Variants in NPAS3 observed in about 807,000 individuals in gnomAD.
NPAS3 encodes the protein neuronal PAS domain protein 3.
NPAS3 carries 14 observed loss-of-function variants against 73.1 expected under a neutral mutation model. The ratio of observed to expected loss-of-function variants is 0.19; its 90% CI spans 0.13 to 0.30. The LOEUF is 0.30. NPAS3 is among the 10% of genes least tolerant of loss of function. The probability of loss-of-function intolerance (pLI) is 1.00; values close to 1 mark genes in which losing one functional copy is unlikely to be tolerated. For missense variants in NPAS3, 1,096 were observed against 1,250.0 expected (o/e 0.88, Z 1.86); for synonymous variants, 620 against 541.5 (o/e 1.14, Z -2.01).
intron 3 of NPAS3, among the ~76,000 whole-genome samples, chr14:33,242,903 G>A (rs2048256697): frequency 6.6e-6 from 1 of 152,028 alleles, no homozygotes; most frequent in South Asian, 2.1e-4. Flanking sequence ...TTTTCTTTGA[G>A]TAAAAAATGT....
intron 5 of NPAS3, among the ~76,000 whole-genome samples, chr14:33,671,947 T>C (rs1205758391): frequency 6.6e-6 from 1 of 152,242 alleles, no homozygotes; most frequent in African/African-American, 2.4e-5. Context: ...CATTAGATCA[T>C]AATTAAGGAT....
At chr14:32,984,471 TGTTTTATGA>T (rs1256474891) in intron 1 of NPAS3, among the ~76,000 whole-genome samples, 1 of 152,222 alleles carries the variant, frequency 6.6e-6, no homozygotes, top group Non-Finnish European at 1.5e-5. Flanking sequence ...ATCAACATTT[TGTTTTATGA>T]GTCTTTGGAG....
At chr14:33,516,022 G>A (rs956439191) in intron 4 of NPAS3, among the ~76,000 whole-genome samples, 6 of 151,932 alleles carry the variant, frequency 3.9e-5, no homozygotes, top group Admixed American at 1.3e-4. Flanking sequence ...GAACACGTCC[G>A]CACACATGCA....
chr14:33,544,052 T>C (rs887187760), intron 4 of NPAS3, among the ~76,000 whole-genome samples: 1 of 128,986 alleles, frequency 7.8e-6, no homozygotes, highest in African/African-American at 3.0e-5. Flanking sequence ...TCATGTAGAG[T>C]CCTTCTCCCA....
intron 5 of NPAS3, among the ~76,000 whole-genome samples, chr14:33,591,165 T>C (rs530714829): frequency 2.3e-4 from 35 of 152,294 alleles, no homozygotes; most frequent in African/African-American, 7.7e-4. Context: ...TCCCTTTGTT[T>C]TAATGACAAC....
intron 4 of NPAS3, among the ~76,000 whole-genome samples, chr14:33,411,207 G>A (rs1437858331): frequency 1.3e-5 from 2 of 152,106 alleles, no homozygotes; most frequent in African/African-American, 4.8e-5. Flanking sequence ...TGTTGTTTTT[G>A]AGACGGAGTC....
chr14:33,590,362 TACTG>T (rs1315662382), intron 5 of NPAS3, among the ~76,000 whole-genome samples: 1 of 152,158 alleles, frequency 6.6e-6, no homozygotes, highest in African/African-American at 2.4e-5. Context: ...ATATAATACT[TACTG>T]CTAGATATTC....
intron 3 of NPAS3, among the ~76,000 whole-genome samples, chr14:33,341,678 G>A (rs1244039453): frequency 6.6e-6 from 1 of 152,150 alleles, no homozygotes; most frequent in Non-Finnish European, 1.5e-5. Flanking sequence ...CTTTTAGGCT[G>A]TCATCTGACA....
intron 2 of NPAS3, among the ~76,000 whole-genome samples, chr14:33,154,755 TTAGTTACATGAAAGATGTTGACAAAA>T (rs1303350964): frequency 6.6e-6 from 1 of 152,178 alleles, no homozygotes; most frequent in African/African-American, 2.4e-5. Context: ...AATATGACAA[TTAGTTACATGAAAGATGTTGACAAAA>T]TAGTTGTTTT....
intron 4 of NPAS3, among the ~76,000 whole-genome samples, chr14:33,457,751 G>A (rs1594944431): frequency 6.6e-6 from 1 of 152,208 alleles, no homozygotes; most frequent in South Asian, 2.1e-4. Context: ...CTTAGCGTGT[G>A]TAAGTCTGGC....
rs540991191 is a variant in NPAS3, at chr14:33,559,429, CT to C, written c.469-685del. ...TTTACTTGCTCTTGATATAGGAAGCCTTTTTTTCTTTCATTTCATTACGATC... is the reference window on the plus strand; with the variant it reads ...TTTACTTGCTCTTGATATAGGAAGCCTTTTTTCTTTCATTTCATTACGATC... On this transcript the variant is annotated intron_variant, in intron 4 of 11. Coordinates refer to ENST00000356141, the Ensembl canonical transcript of NPAS3. Among the ~76,000 whole-genome samples, 3 of 152,082 alleles carry C rather than the reference CT, an allele frequency of 2.0e-5. 1 individual carries two copies. The South Asian group carries it at 6.2e-4, about 32-fold the overall frequency.
intron 8 of NPAS3, among the ~76,000 whole-genome samples, chr14:33,776,785 TA>T (rs1041655956): frequency 1.3e-5 from 2 of 151,992 alleles, no homozygotes; most frequent in Non-Finnish European, 2.9e-5. Context: ...AGTCTCAGAG[TA>T]AAAGGTGCCA....
chr14:33,767,599 C>CTTTTT (rs10711937), intron 7 of NPAS3, among the ~76,000 whole-genome samples: 3 of 138,654 alleles, frequency 2.2e-5, no homozygotes, highest in Non-Finnish European at 4.6e-5. Context: ...GGACTCTTGT[C>CTTTTT]TTTTTTTTTT....
chr14:33,774,388 A>C (rs1260797004), exon 8 of NPAS3: 14 of 1,614,032 alleles, frequency 8.7e-6, no homozygotes, highest in Non-Finnish European at 1.2e-5. Context: ...GTCCCACGGG[A>C]GGACCGTCCC....
At chr14:33,123,828 G>C (rs2043323023) in intron 2 of NPAS3, among the ~76,000 whole-genome samples, 1 of 150,674 alleles carries the variant, frequency 6.6e-6, no homozygotes, top group African/African-American at 2.4e-5. Flanking sequence ...TAGGCTGGCA[G>C]TGTTTTCTGT....
intron 1 of NPAS3, among the ~76,000 whole-genome samples, chr14:32,986,638 T>C (rs1157416642): frequency 6.6e-6 from 1 of 152,230 alleles, no homozygotes; most frequent in Non-Finnish European, 1.5e-5. Flanking sequence ...TTATTTTCGG[T>C]GTCTCATTCT....
At chr14:32,963,206 G>T (rs753670492) in intron 1 of NPAS3, among the ~76,000 whole-genome samples, 4 of 152,098 alleles carry the variant, frequency 2.6e-5, no homozygotes, top group Non-Finnish European at 5.9e-5. Flanking sequence ...ATAAATAATG[G>T]CAAAATAAGG....
At position 33,527,403 on chromosome 14, in the gene NPAS3, A is replaced by G. The variant is rs1247863076; in HGVS notation, c.469-32718A>G. 3.9e-5 allele frequency among the ~76,000 whole-genome samples: 6 copies of G among 152,194 alleles called. No homozygotes were observed. In the East Asian group the frequency reaches 9.6e-4, roughly 24 times the overall value. On this transcript the variant is annotated intron_variant, in intron 4 of 11. Transcript: ENST00000356141. ...TGTACAATTTGCATGTTGGTGCCTC[A>G]ATTCTGTCTAATAGATATGCCTGTA...
rs1417731015 is a variant in NPAS3, at chr14:33,301,114, G to C, written c.386-66072G>C. Among the ~76,000 whole-genome samples the C allele has an allele frequency of 4.0e-5, 6 of 151,490 alleles. No individual in the cohort carries two copies. The East Asian group carries it at 5.8e-4, about 15-fold the overall frequency. On this transcript the variant is annotated intron_variant, in intron 3 of 11. Transcript: ENST00000356141. ...CCTGGAGCAGCAGCTCCCAGATCCA[G>C]GTCTCCTACTGAAGGTTCACCCTTC... is the stretch of plus-strand genomic sequence containing the variant.
Sources: allele counts gnomAD v4.1 joint callset (sites outside exome capture counted in the v4.1 genomes callset), GRCh38; gene constraint gnomAD v4.1.1; transcripts MANE v1.5; gene names NCBI Gene and HGNC (gene_info 2026-07-23, HGNC 2026-07-21).